Variants in MROH1 observed in about 807,000 individuals in gnomAD.
MROH1 encodes maestro heat-like repeat-containing protein family member 1.
In MROH1, 117 loss-of-function variants were observed where a neutral mutation model predicts 116.5. The ratio of observed to expected loss-of-function variants is 1.00; its 90% CI spans 0.86 to 1.17. The LOEUF is 1.17. Ranked by LOEUF, MROH1 falls within the 50% of genes most tolerant of loss-of-function variation. The pLI is 0.00. For synonymous variants in MROH1, 921 were observed against 583.9 expected, an observed-to-expected ratio of 1.58 and a Z score of -8.32; for missense variants, 1,873 against 1,338.5, an observed-to-expected ratio of 1.40 and a Z score of -6.23.
chr8:144,259,975 C>G lies in MROH1; in HGVS notation c.4109C>G (p.Ala1370Gly). 1 of 740,268 alleles carries G rather than the reference C, an allele frequency of 1.4e-6. No individual in the cohort carries two copies. The highest frequency in any genetic ancestry group is 2.5e-6 in the Non-Finnish European group (1 of 399,634). 45.9% of individuals were successfully genotyped at this position (740,268 alleles called of 1,614,324 possible). ...LLDSLLESLA[A>G]RQKDTCASVR... ...GACTCGCTGCTGGAGAGCCTGGCGG[C>G]TCGCCAGAAGGACACATGCGCCAGC... The change falls in exon 38 of 44, where the codon GCT becomes GGT. Residue 1370 changes from alanine to glycine, a missense_variant. By Grantham distance (60) the Ala-to-Gly change is moderately conservative. Coordinates refer to ENST00000326134, the MANE Select transcript of MROH1 (RefSeq NM_032450.3).
intron 14 of MROH1, among the ~76,000 whole-genome samples, chr8:144,229,380 ATTTTTTT>A (rs60877043): frequency 3.8e-4 from 41 of 108,904 alleles, no homozygotes; most frequent in African/African-American, 1.3e-3. Context: ...TACCTTATGA[ATTTTTTT>A]TTTTTTTTTT....
At chr8:144,202,114 G>C (rs1588125783) in intron 12 of MROH1, among the ~76,000 whole-genome samples, 1 of 152,224 alleles carries the variant, frequency 6.6e-6, no homozygotes, top group Non-Finnish European at 1.5e-5. Context: ...GTCAGGTGTA[G>C]GCACCTCAGG....
In MROH1 at chr8:144,247,349, C is replaced by A; in HGVS notation, c.2920C>A (p.Pro974Thr). 2 of 772,970 alleles carry A rather than the reference C, an allele frequency of 2.6e-6. No individual in the cohort carries two copies. The highest frequency in any genetic ancestry group is 4.8e-6 in the Non-Finnish European group (2 of 415,256). 47.9% of individuals were successfully genotyped at this position (772,970 alleles called of 1,614,324 possible). The change falls in exon 30 of 44, where the codon CCA becomes ACA. Residue 974 changes from proline (P) to threonine (T), a missense_variant. By Grantham distance (38) the Pro-to-Thr change is conservative. Transcript: ENST00000326134. ...GGGCCTTCTCATCGGCCTCTTCTCCCCACGGTGTGCGGACCTGTGGCCTGC... is the reference window on the plus strand; with the variant it reads ...GGGCCTTCTCATCGGCCTCTTCTCCACACGGTGTGCGGACCTGTGGCCTGC... ...NLGLLIGLFS[P>T]RCADLWPATR...
At position 144,180,534 on chromosome 8, in the gene MROH1, G is replaced by T; in HGVS notation, c.562+11G>T. ...TGGCCTTCTGCTCCGGTAAGAGGCG[G>T]CCTCGTCACCTTCTGTCTCAAGTGC... On this transcript the variant is annotated intron_variant, in intron 7 of 43. Transcript: ENST00000326134. The surrounding 1 kb of genome is among the most constrained non-coding windows in gnomAD (Gnocchi z 7.4). 1 of 1,606,206 alleles carries T rather than the reference G, an allele frequency of 6.2e-7. No homozygotes were observed. Among genetic ancestry groups the T allele is most frequent in the Non-Finnish European group, 8.5e-7 (1 of 1,178,896 alleles).
chr8:144,197,512 T>C (rs1379409961), intron 10 of MROH1, among the ~76,000 whole-genome samples: 1 of 134,916 alleles, frequency 7.4e-6, no homozygotes, highest in Non-Finnish European at 1.5e-5. Context: ...CTTGGCTCAC[T>C]GCAAGCTCTG....
At chr8:144,239,290 C>A in intron 16 of MROH1, 33 bp from the exon 17 acceptor site, 1 of 780,058 alleles carries the variant, frequency 1.3e-6, no homozygotes, top group Middle Eastern at 2.3e-4. Context: ...TACAGGCAGC[C>A]CCCCACTGAC....
At chr8:144,221,506 T>G (rs1377281412) in intron 13 of MROH1, among the ~76,000 whole-genome samples, 3 of 151,882 alleles carry the variant, frequency 2.0e-5, no homozygotes, top group Non-Finnish European at 4.4e-5. Flanking sequence ...ACAGAGACCC[T>G]TAGCCTTCTC....
chr8:144,257,233 G>A (rs1844043181), intron 35 of MROH1, among the ~76,000 whole-genome samples: 4 of 152,226 alleles, frequency 2.6e-5, no homozygotes, highest in Admixed American at 1.3e-4. Flanking sequence ...GGGACTCCAG[G>A]CTTTTCCAGA....
intron 1 of MROH1, among the ~76,000 whole-genome samples, chr8:144,150,700 A>C (rs1816512168): frequency 6.6e-6 from 1 of 152,286 alleles, no homozygotes; most frequent in Non-Finnish European, 1.5e-5. Context: ...GGGATTTTCC[A>C]TGCCTGCTCA....
chr8:144,193,528 T>A (rs929635156), intron 10 of MROH1, among the ~76,000 whole-genome samples: 4 of 152,242 alleles, frequency 2.6e-5, no homozygotes, highest in African/African-American at 9.6e-5. Context: ...ACGATGAGCA[T>A]AGACGTGAGG....
intron 4 of MROH1, among the ~76,000 whole-genome samples, chr8:144,176,265 C>T (rs552809431): frequency 3.8e-4 from 57 of 151,108 alleles, no homozygotes; most frequent in Admixed American, 1.1e-3. Context: ...CCCAGGTACT[C>T]GGGAGGCTGA....
intron 10 of MROH1, among the ~76,000 whole-genome samples, chr8:144,195,705 A>G (rs1829736083): frequency 6.6e-6 from 1 of 151,654 alleles, no homozygotes; most frequent in African/African-American, 2.4e-5. Context: ...TTTGTCATTG[A>G]GTCATTAATT....
chr8:144,164,276 T>G (rs1391528579), intron 3 of MROH1, among the ~76,000 whole-genome samples: 1 of 151,324 alleles, frequency 6.6e-6, no homozygotes, highest in African/African-American at 2.4e-5. Flanking sequence ...GTGGTGGCAG[T>G]TGCCTGTAGT....
At chr8:144,258,735 G>A in intron 35 of MROH1, 42 bp from the exon 36 acceptor site, 1 of 741,302 alleles carries the variant, frequency 1.3e-6, no homozygotes, top group Non-Finnish European at 2.5e-6. Flanking sequence ...AGGGAGGTAG[G>A]CGTGTGTGCC....
chr8:144,223,191 G>C lies in MROH1; in HGVS notation c.1299G>C (p.Glu433Asp). 6.2e-7 allele frequency: 1 copy of C among 1,611,554 alleles called. No individual in the cohort carries two copies. The highest frequency in any genetic ancestry group is 8.5e-7 in the Non-Finnish European group (1 of 1,179,078). The change falls in exon 14 of 44, where the codon GAG (glutamate) becomes GAC (aspartate). Residue 433 changes from glutamate (E) to aspartate (D), a missense_variant. By Grantham distance (45) the Glu-to-Asp change is conservative. Coordinates refer to ENST00000326134, the MANE Select transcript of MROH1 (RefSeq NM_032450.3). ...LEQPGGEAMIEYIVQQCALPP... is the reference protein window; with the variant it reads ...LEQPGGEAMIDYIVQQCALPP... ...AGCCTGGAGGTGAGGCGATGATCGA[G>C]TACATCGTGCAGCAGTGCGCGCTGC...
intron 39 of MROH1, 25 bp downstream of exon 39, chr8:144,260,399 G>A: frequency 1.4e-6 from 1 of 706,292 alleles, no homozygotes; most frequent in African/African-American, 1.7e-5. Context: ...GCAGGGGGAG[G>A]GAAGAGGGCC....
At chr8:144,260,405 G>C (rs1163819493) in intron 39 of MROH1, 31 bp downstream of exon 39, 8 of 704,618 alleles carry the variant, frequency 1.1e-5, no homozygotes, top group Admixed American at 2.0e-5. Flanking sequence ...GGAGGGAAGA[G>C]GGCCCCAGCC....
intron 14 of MROH1, among the ~76,000 whole-genome samples, chr8:144,232,758 G>A (rs1839174273): frequency 6.6e-6 from 1 of 151,816 alleles, no homozygotes; most frequent in Admixed American, 6.6e-5. Context: ...CTCCCAAAGT[G>A]CTGGGATTAC....
chr8:144,231,360 G>T (rs1838851518), intron 14 of MROH1, among the ~76,000 whole-genome samples: 1 of 152,092 alleles, frequency 6.6e-6, no homozygotes, highest in South Asian at 2.1e-4. Context: ...GGGCAGAGGG[G>T]CTCCTCACTT....
Sources: gnomAD v4.1 joint callset for allele counts (sites outside exome capture counted in the v4.1 genomes callset) on GRCh38, gnomAD v4.1.1 for gene constraint, Gnocchi (gnomAD v3.1) non-coding constraint, MANE v1.5 for transcripts, NCBI Gene and HGNC (gene_info 2026-07-23, HGNC 2026-07-21) for gene names.